Variants in WHRN observed in about 807,000 individuals in gnomAD.
The protein encoded by WHRN is whirlin.
WHRN carries 41 observed loss-of-function variants against 68.3 expected under a neutral mutation model. The observed-to-expected ratio is 0.60, with a 90% CI of 0.47 to 0.78. WHRN has a LOEUF of 0.78. Among genes scored for constraint, WHRN ranks in the 30% least tolerant of loss-of-function variants. WHRN has a pLI of 0.00. For missense variants in WHRN, 1,243 were observed against 1,244.7 expected (o/e 1.00, Z 0.02); for synonymous variants, 560 against 561.3 (o/e 1.00, Z 0.03).
chr9:114,463,626 G>A (rs1840426670), intron 3 of WHRN, among the ~76,000 whole-genome samples: 1 of 152,130 alleles, frequency 6.6e-6, no homozygotes, highest in Admixed American at 6.5e-5. Context: ...CAACACTAGA[G>A]GAAGCTGGGT....
At chr9:114,426,074 C>T (rs1773487686) in intron 4 of WHRN, 137 bp downstream of exon 4, 1 of 1,128,384 alleles carries the variant, frequency 8.9e-7, no homozygotes, top group Non-Finnish European at 1.3e-6. Flanking sequence ...AGGTCATGTC[C>T]TGCCAATGGA....
chr9:114,501,030 T>C (rs1843876359), intron 1 of WHRN, among the ~76,000 whole-genome samples: 1 of 152,098 alleles, frequency 6.6e-6, no homozygotes, highest in African/African-American at 2.4e-5. Flanking sequence ...ACCAAGCAAA[T>C]CACAGACTGT....
intron 1 of WHRN, among the ~76,000 whole-genome samples, chr9:114,502,856 T>G (rs185417406): frequency 6.6e-6 from 1 of 152,212 alleles, no homozygotes; most frequent in Non-Finnish European, 1.5e-5. Flanking sequence ...GACTACTTCT[T>G]TATAAATATA....
intron 1 of WHRN, among the ~76,000 whole-genome samples, chr9:114,495,851 A>T (rs2133372870): frequency 1.3e-5 from 2 of 152,322 alleles, no homozygotes; most frequent in East Asian, 3.9e-4. Flanking sequence ...AAACACTACA[A>T]AGGATGCCAC....
chr9:114,447,363 G>A (rs999682545), intron 3 of WHRN, among the ~76,000 whole-genome samples: 8 of 152,104 alleles, frequency 5.3e-5, no homozygotes, highest in African/African-American at 1.2e-4. Flanking sequence ...GCCTCACATC[G>A]GTAAACAAGG....
Position 114,406,449 on chromosome 9 carries a change from C to G in WHRN, c.2142G>C (p.Gln714His). The G allele has an allele frequency of 6.2e-7, 1 of 1,614,142 alleles. No individual in the cohort carries two copies. Among genetic ancestry groups the G allele is most frequent in the Non-Finnish European group, 8.5e-7 (1 of 1,180,032 alleles). The change falls in exon 9 of 12, where the codon CAG (glutamine) becomes CAC (histidine). Residue 714 changes from glutamine (Q) to histidine (H), a missense_variant. Coordinates refer to ENST00000362057, the MANE Select transcript of WHRN (RefSeq NM_015404.4). Reference protein sequence around the residue: ...LPPSPSGHPDQTGTNQHFVMV... With the variant: ...LPPSPSGHPDHTGTNQHFVMV... The stretch of plus-strand genomic sequence containing the variant: ...TGACAAAGTGCTGGTTTGTGCCTGT[C>G]TGGTCTGGGTGGCCAGAGGGTGATG...
Position 114,424,422 on chromosome 9 carries a change from G to A in WHRN, c.1328C>T (p.Ala443Val), listed in dbSNP as rs1223202723. 1 of 1,613,362 alleles carries A rather than the reference G, an allele frequency of 6.2e-7. No individual in the cohort carries two copies. The highest frequency in any genetic ancestry group is 1.7e-5 in the Admixed American group (1 of 60,026). Residue 443 changes from alanine (A) to valine (V), a missense_variant, in exon 6 of 12, where the codon GCC becomes GTC. Transcript: ENST00000362057. Reference protein sequence around the residue: ...LLNEQEHATMAYYLDEYRGGS... With the variant: ...LLNEQEHATMVYYLDEYRGGS... ...ACCACGGTACTCATCCAGGTAGTAG[G>A]CCATGGTGGCGTGTTCCTGCTCGTT...
chr9:114,411,654 A>G (rs1362585987), intron 7 of WHRN, among the ~76,000 whole-genome samples: 2 of 152,234 alleles, frequency 1.3e-5, no homozygotes, highest in South Asian at 2.1e-4. Context: ...GAGAACTACA[A>G]AGGACCTACT....
chr9:114,437,085 C>T (rs1837924608), intron 3 of WHRN, among the ~76,000 whole-genome samples: 2 of 152,134 alleles, frequency 1.3e-5, no homozygotes, highest in Admixed American at 1.3e-4. Context: ...AGTAGACAGA[C>T]AGGCGGTGAA....
In WHRN at chr9:114,492,665, C is replaced by T. The variant is rs947188822; in HGVS notation, c.618+11519G>A. Among the ~76,000 whole-genome samples, 33 of 152,160 alleles carry T rather than the reference C, an allele frequency of 2.2e-4. 1 individual carries two copies. The highest frequency in any genetic ancestry group is 6.8e-3 in the Middle Eastern group (2 of 294). On this transcript the variant is annotated intron_variant, in intron 1 of 11. Transcript: ENST00000362057. ...TACTGACTTGGGGAGGGTCTTTTGG[C>T]GTTTTTCTGAAGTTTTCAAGTTTTA...
At chr9:114,426,126 G>T in intron 4 of WHRN, 85 bp downstream of exon 4, 1 of 1,574,594 alleles carries the variant, frequency 6.4e-7, no homozygotes, top group Non-Finnish European at 8.7e-7. Flanking sequence ...GAGAGCCAGG[G>T]CGGTGGAGGG....
In WHRN at chr9:114,416,085, T is replaced by G. The variant is rs530179533; in HGVS notation, c.1626+7229A>C. Among the ~76,000 whole-genome samples, 99 of 152,218 alleles carry G rather than the reference T, an allele frequency of 6.5e-4. 1 individual carries two copies. The highest frequency in any genetic ancestry group is 2.1e-3 in the African/African-American group (89 of 41,534). On this transcript the variant is annotated intron_variant, in intron 7 of 11. Coordinates refer to ENST00000362057, the MANE Select transcript of WHRN (RefSeq NM_015404.4). ...TACTGCCCCCTATTCACCTTCTTTT[T>G]GGGGGACAAGAGGAGGGAAGAAGGA... is the stretch of plus-strand genomic sequence containing the variant.
intron 2 of WHRN, chr9:114,478,180 C>T: frequency 4.9e-6 from 3 of 610,838 alleles, no homozygotes; most frequent in Non-Finnish European, 8.8e-6. Context: ...CCCAGCTACT[C>T]AGGAGGCTGA....
At position 114,402,129 on chromosome 9, in the gene WHRN, A is replaced by T. The variant is rs1834736643; in HGVS notation, c.*625T>A. 6.2e-6 allele frequency: 1 copy of T among 160,978 alleles called. No homozygotes were observed. Among genetic ancestry groups the T allele is most frequent in the Non-Finnish European group, 1.4e-5 (1 of 72,408 alleles). 10.0% of individuals were successfully genotyped at this position (160,978 alleles called of 1,614,324 possible). A position where few individuals can be genotyped will look rare whatever the true frequency, so the allele number is the denominator to read the frequency against. ...GAAAAATTAAAGTCATAAGCTCTGT[A>T]TATAAATACAATGACACTGCTGGTC... On this transcript the variant is annotated 3_prime_UTR_variant, in exon 12 of 12. Coordinates refer to ENST00000362057, the MANE Select transcript of WHRN (RefSeq NM_015404.4).
rs149558159 is a variant in WHRN at position 114,426,228 on chromosome 9, G to A, written c.1149C>T (p.Thr383=). The change falls in exon 4 of 12, where the codon ACC becomes ACT. Residue 383 remains threonine, a synonymous_variant. Transcript: ENST00000362057. ...GGCCAGACCCTGCCGAGTTCGCCATGGTCTCCCTGATCCGGGAACTGGCGA... is the reference window on the plus strand; with the variant it reads ...GGCCAGACCCTGCCGAGTTCGCCATAGTCTCCCTGATCCGGGAACTGGCGA... ...KWIASSRIRE[T]MANSAGFLGD... 2,140 of 1,612,412 alleles carry A rather than the reference G, an allele frequency of 1.3e-3. 1 individual carries two copies. Among genetic ancestry groups the A allele is most frequent in the Non-Finnish European group, 1.7e-3 (1,960 of 1,180,032 alleles).
chr9:114,504,310 C>T lies in WHRN; in HGVS notation c.492G>A (p.Val164=). ...FSIRGGSEHG[V]GIYVSLVEPG... ...GTTCCACCAGAGACACGTAGATGCC[C>T]ACGCCGTGCTCCGAGCCCCCACGGA... The change falls in exon 1 of 12, where the codon GTG becomes GTA. Residue 164 remains valine, a synonymous_variant. Transcript: ENST00000362057. 1.2e-6 allele frequency: 2 copies of T among 1,612,926 alleles called. No homozygotes were observed. The highest frequency in any genetic ancestry group is 1.7e-6 in the Non-Finnish European group (2 of 1,180,032).
intron 3 of WHRN, among the ~76,000 whole-genome samples, chr9:114,442,784 T>C (rs757607182): frequency 1.3e-5 from 2 of 152,206 alleles, no homozygotes; most frequent in Non-Finnish European, 2.9e-5. Flanking sequence ...CTAAAGCAGT[T>C]GCTGGCACGG....
chr9:114,462,147 G>T (rs1038365013), intron 3 of WHRN, among the ~76,000 whole-genome samples: 4 of 152,158 alleles, frequency 2.6e-5, no homozygotes, highest in African/African-American at 9.7e-5. Flanking sequence ...CATTCCTGGT[G>T]TCTGGGCACC....
In WHRN at chr9:114,504,598, G is replaced by T. The variant is rs1844240660; in HGVS notation, c.204C>A (p.Arg68=). The T allele has an allele frequency of 1.2e-6, 2 of 1,611,182 alleles. No individual in the cohort carries two copies. Among genetic ancestry groups the T allele is most frequent in the Non-Finnish European group, 1.7e-6 (2 of 1,179,546 alleles). Reference sequence around the variant, plus strand: ...TGCGCACCAGGTCGAAGACGTTGCGGCGCGCGTGGTAAGCGTTCAGGCAGT... The same window carrying T: ...TGCGCACCAGGTCGAAGACGTTGCGTCGCGCGTGGTAAGCGTTCAGGCAGT... ...FTHCLNAYHA[R]RNVFDLVRTL... Residue 68 remains arginine, a synonymous_variant, in exon 1 of 12, where the codon CGC becomes CGA. Transcript: ENST00000362057.
Sources: gnomAD v4.1 joint callset for allele counts (sites outside exome capture counted in the v4.1 genomes callset) on GRCh38, gnomAD v4.1.1 for gene constraint, MANE v1.5 for transcripts, NCBI Gene and HGNC (gene_info 2026-07-23, HGNC 2026-07-21) for gene names.